The following EBF2 variants were observed in gnomAD, a reference collection of about 807,000 sequenced individuals.
EBF2 encodes transcription factor COE2.
Under a neutral mutation model 72.8 loss-of-function variants are expected in EBF2, and 21 were observed. The ratio of observed to expected loss-of-function variants is 0.29; its 90% CI spans 0.20 to 0.42. The LOEUF (loss-of-function observed/expected upper bound fraction) is 0.42. Among genes scored for constraint, EBF2 ranks in the 10% least tolerant of loss-of-function variants. The probability of loss-of-function intolerance (pLI) is 1.00; values close to 1 mark genes in which losing one functional copy is unlikely to be tolerated. For missense variants in EBF2, 637 were observed against 731.2 expected, an observed-to-expected ratio of 0.87 and a Z score of 1.49; for synonymous variants, 299 against 274.2, an observed-to-expected ratio of 1.09 and a Z score of -0.89.
intron 6 of EBF2, among the ~76,000 whole-genome samples, chr8:26,020,329 G>A (rs1286489812): frequency 6.6e-6 from 1 of 152,144 alleles, no homozygotes; most frequent in East Asian, 1.9e-4. Context: ...TCTCATTATG[G>A]GCTCACTGAT....
chr8:26,012,510 G>T (rs1305192971), intron 6 of EBF2, among the ~76,000 whole-genome samples: 1 of 152,038 alleles, frequency 6.6e-6, no homozygotes, highest in Non-Finnish European at 1.5e-5. Context: ...CTTAGAGTGG[G>T]TATCTCCTAT....
At chr8:25,989,819 C>T (rs1804517037) in intron 6 of EBF2, among the ~76,000 whole-genome samples, 1 of 152,152 alleles carries the variant, frequency 6.6e-6, no homozygotes, top group Admixed American at 6.6e-5. Flanking sequence ...CCTATACTCA[C>T]CAGTGAGTAA....
intron 10 of EBF2, among the ~76,000 whole-genome samples, chr8:25,876,863 T>C (rs374504568): frequency 6.6e-6 from 1 of 152,166 alleles, no homozygotes; most frequent in East Asian, 1.9e-4. Context: ...ATAAAGGTGG[T>C]GATACTCGGA....
chr8:25,947,892 A>C (rs1274995998), intron 6 of EBF2, among the ~76,000 whole-genome samples: 2 of 152,226 alleles, frequency 1.3e-5, no homozygotes, highest in Non-Finnish European at 2.9e-5. Context: ...CTTGATAAAC[A>C]ATGACCTTCT....
intron 6 of EBF2, among the ~76,000 whole-genome samples, chr8:26,014,359 TTAGTAG>T (rs966314007): frequency 5.4e-5 from 8 of 147,360 alleles, no homozygotes; most frequent in Admixed American, 3.4e-4. Context: ...ACTTTTATTA[TTAGTAG>T]TAGTATTAGT....
chr8:26,032,828 C>T (rs1441605114), intron 6 of EBF2: 6 of 490,378 alleles, frequency 1.2e-5, no homozygotes, highest in Non-Finnish European at 2.2e-5. Flanking sequence ...TATCCTGCAC[C>T]ACACATACTA....
chr8:25,993,501 C>T (rs2117212259), intron 6 of EBF2, among the ~76,000 whole-genome samples: 1 of 152,354 alleles, frequency 6.6e-6, no homozygotes. Flanking sequence ...ATCTATACTG[C>T]CACCCTCCTG....
At chr8:26,024,507 C>A (rs1805266593) in intron 6 of EBF2, among the ~76,000 whole-genome samples, 4 of 152,116 alleles carry the variant, frequency 2.6e-5, no homozygotes, top group Non-Finnish European at 5.9e-5. Context: ...TTTTATTCTG[C>A]TTTACAACCC....
intron 6 of EBF2, among the ~76,000 whole-genome samples, chr8:25,910,121 A>T (rs547545468): frequency 6.6e-6 from 1 of 152,280 alleles, no homozygotes; most frequent in East Asian, 1.9e-4. Context: ...TGCTTTCTGA[A>T]CGGCAGTAGC....
intron 6 of EBF2, among the ~76,000 whole-genome samples, chr8:25,965,239 A>G (rs1319833099): frequency 6.6e-6 from 1 of 152,202 alleles, no homozygotes; most frequent in Non-Finnish European, 1.5e-5. Context: ...TTCCCAAAAG[A>G]GCAATGTTTA....
intron 6 of EBF2, among the ~76,000 whole-genome samples, chr8:25,949,207 TA>T (rs1803817839): frequency 6.6e-6 from 1 of 152,184 alleles, no homozygotes; most frequent in Non-Finnish European, 1.5e-5. Context: ...AGAGGTCAGG[TA>T]AACTTGCCCA....
At chr8:25,934,918 T>C (rs1803549817) in intron 6 of EBF2, among the ~76,000 whole-genome samples, 1 of 152,218 alleles carries the variant, frequency 6.6e-6, no homozygotes, top group Admixed American at 6.5e-5. Context: ...CACCAGGCTT[T>C]GCTCAGGGAC....
intron 14 of EBF2, among the ~76,000 whole-genome samples, chr8:25,855,758 G>A (rs1393032976): frequency 6.6e-6 from 1 of 152,204 alleles, no homozygotes; most frequent in African/African-American, 2.4e-5. Flanking sequence ...TTTGGAGTAA[G>A]TGAATTTGAT....
chr8:25,906,224 T>A (rs1175549089), intron 7 of EBF2, among the ~76,000 whole-genome samples: 1 of 152,214 alleles, frequency 6.6e-6, no homozygotes, highest in Non-Finnish European at 1.5e-5. Context: ...TCTTTGAAAG[T>A]GCTGGTAGAA....
chr8:26,023,931 C>G (rs1258160272), intron 6 of EBF2, among the ~76,000 whole-genome samples: 1 of 152,196 alleles, frequency 6.6e-6, no homozygotes, highest in Non-Finnish European at 1.5e-5. Context: ...AAAGTTCTGT[C>G]TCCAAAATAC....
intron 6 of EBF2, among the ~76,000 whole-genome samples, chr8:25,909,266 G>T (rs1325942015): frequency 6.6e-6 from 1 of 152,032 alleles, no homozygotes; most frequent in Non-Finnish European, 1.5e-5. Context: ...TTAAAATTGG[G>T]CATCTTTCAT....
chr8:25,971,066 C>T (rs1804181978), intron 6 of EBF2, among the ~76,000 whole-genome samples: 1 of 152,128 alleles, frequency 6.6e-6, no homozygotes, highest in African/African-American at 2.4e-5. Context: ...AACTCCTGGG[C>T]TCAAGAGATC....
chr8:26,041,917 T>G (rs1408962490), intron 2 of EBF2, among the ~76,000 whole-genome samples, 178 bp downstream of exon 2: 2 of 150,964 alleles, frequency 1.3e-5, no homozygotes, highest in Non-Finnish European at 2.9e-5. Flanking sequence ...GTTGGGGGAG[T>G]CGGGGTGGGA....
chr8:25,977,804 A>T (rs1804293507), intron 6 of EBF2, among the ~76,000 whole-genome samples: 1 of 152,182 alleles, frequency 6.6e-6, no homozygotes, highest in South Asian at 2.1e-4. Flanking sequence ...TGGCTACAGA[A>T]ATATAAGGTG....
Sources: gnomAD v4.1 joint callset for allele counts (sites outside exome capture counted in the v4.1 genomes callset) on GRCh38, gnomAD v4.1.1 for gene constraint, MANE v1.5 for transcripts, NCBI Gene and HGNC (gene_info 2026-07-23, HGNC 2026-07-21) for gene names.